Variants in PTTG1IP observed in about 807,000 individuals in gnomAD.
PTTG1IP encodes PTTG1 interacting protein.
PTTG1IP carries 16 observed loss-of-function variants against 24.4 expected under a neutral mutation model. That is an observed-to-expected ratio of 0.66 (90% CI 0.44 to 1.00). The LOEUF (loss-of-function observed/expected upper bound fraction) is 1.00. Among genes scored for constraint, PTTG1IP ranks in the 50% least tolerant of loss-of-function variants. The pLI is 0.00. For missense variants in PTTG1IP, 241 were observed against 245.8 expected (o/e 0.98, Z 0.13); for synonymous variants, 89 against 96.8 (o/e 0.92, Z 0.47).
At chr21:44,863,062 AC>A (rs1432006078) in intron 2 of PTTG1IP, among the ~76,000 whole-genome samples, 1 of 135,886 alleles carries the variant, frequency 7.4e-6, no homozygotes, top group Non-Finnish European at 1.7e-5. Context: ...CAGCACAGAC[AC>A]ACAGCCCGCC....
In PTTG1IP at chr21:44,851,105, C is replaced by T. The variant is rs184677887; in HGVS notation, c.*476G>A. ...TCAACAGGTGTGAAGACTCAAGATG[C>T]GCACACAGACGCTGTCCGTGGTTTT... On this transcript the variant is annotated 3_prime_UTR_variant, in exon 6 of 6. Coordinates refer to ENST00000330938, the MANE Select transcript of PTTG1IP (RefSeq NM_004339.4). 1.7e-4 allele frequency: 76 copies of T among 435,186 alleles called. No individual in the cohort carries two copies. Among genetic ancestry groups the T allele is most frequent in the Middle Eastern group, 1.2e-3 (2 of 1,628 alleles). The allele number at this position is 435,186 out of a possible 1,614,324, so 27.0% of individuals were successfully genotyped here.
chr21:44,855,000 A>T (rs566505125), intron 5 of PTTG1IP, among the ~76,000 whole-genome samples: 3 of 152,306 alleles, frequency 2.0e-5, no homozygotes, highest in African/African-American at 4.8e-5. Flanking sequence ...CTTCATGAAG[A>T]CGACTGGCTG....
intron 2 of PTTG1IP, chr21:44,861,658 C>G: frequency 1.4e-6 from 1 of 710,708 alleles, no homozygotes; most frequent in Non-Finnish European, 2.6e-6. Flanking sequence ...TGGCTCCCCA[C>G]TGACTGGATG....
intron 1 of PTTG1IP, among the ~76,000 whole-genome samples, chr21:44,868,020 G>C (rs1169960401): frequency 6.6e-6 from 1 of 152,164 alleles, no homozygotes; most frequent in Non-Finnish European, 1.5e-5. Context: ...ACTTTTCTCA[G>C]AGTCTCTAGC....
At chr21:44,864,223 C>T (rs192773037) in intron 2 of PTTG1IP, among the ~76,000 whole-genome samples, 97 of 152,332 alleles carry the variant, frequency 6.4e-4, no homozygotes, top group Admixed American at 2.4e-3. Flanking sequence ...TTCCCGCTGC[C>T]GTGGGCCTTC....
rs2083407876 is a variant in PTTG1IP, at chr21:44,851,226, A to G, written c.*355T>C. 1 of 1,085,994 alleles carries G rather than the reference A, an allele frequency of 9.2e-7. No individual in the cohort carries two copies. The highest frequency in any genetic ancestry group is 1.3e-6 in the Non-Finnish European group (1 of 784,684). The allele number at this position is 1,085,994 out of a possible 1,614,324, so 67.3% of individuals were successfully genotyped here. On this transcript the variant is annotated 3_prime_UTR_variant, in exon 6 of 6. Transcript: ENST00000330938. ...GAAGCTTGTTAGTGGACAGAGAGAAACGCAGGGTTCTGCCCTGGGAGAATG... is the reference window on the plus strand; with the variant it reads ...GAAGCTTGTTAGTGGACAGAGAGAAGCGCAGGGTTCTGCCCTGGGAGAATG...
At chr21:44,859,318 A>G (rs1356279650) in intron 3 of PTTG1IP, among the ~76,000 whole-genome samples, 1 of 152,256 alleles carries the variant, frequency 6.6e-6, no homozygotes, top group Non-Finnish European at 1.5e-5. Flanking sequence ...AAAGTCCTGG[A>G]AGTCCTACCT....
chr21:44,866,634 TAACA>T (rs972615881), intron 1 of PTTG1IP, among the ~76,000 whole-genome samples: 4 of 72,200 alleles, frequency 5.5e-5, no homozygotes, highest in African/African-American at 2.5e-4. Context: ...CCCAATCCCG[TAACA>T]CACACACACA....
chr21:44,856,403 C>T, intron 3 of PTTG1IP, 39 bp from the exon 4 acceptor site: 1 of 1,577,130 alleles, frequency 6.3e-7, no homozygotes, highest in South Asian at 1.2e-5. Flanking sequence ...CCGCCCCAGA[C>T]ACAGAACCCA....
At position 44,873,536 on chromosome 21, in the gene PTTG1IP, G is replaced by A. The variant is rs957394446; in HGVS notation, c.81C>T (p.Ile27=). ...LGGAALLLLL[I]PVAAAQEPPG... is the part of the protein sequence containing the mutation. ...GAGGCTCCTGCGCGGCGGCCACCGG[G>A]ATGAGCAGCAGGAGCAGCGCGGCGC... Residue 27 remains isoleucine, a synonymous_variant, in exon 1 of 6, where the codon ATC becomes ATT. Coordinates refer to ENST00000330938, the MANE Select transcript of PTTG1IP (RefSeq NM_004339.4). The A allele has an allele frequency of 2.0e-6, 3 of 1,464,412 alleles. No individual in the cohort carries two copies. Among genetic ancestry groups the A allele is most frequent in the South Asian group, 1.3e-5 (1 of 77,288 alleles). The allele number at this position is 1,464,412 out of a possible 1,614,324, so 90.7% of individuals were successfully genotyped here. A position where few individuals can be genotyped will look rare whatever the true frequency, so the allele number is the denominator to read the frequency against.
intron 1 of PTTG1IP, among the ~76,000 whole-genome samples, chr21:44,869,432 G>A (rs2083567104): frequency 1.3e-5 from 2 of 152,248 alleles, no homozygotes; most frequent in South Asian, 4.2e-4. Context: ...AATAACAACA[G>A]GCAACACAAT....
chr21:44,872,305 A>G (rs1348809054), intron 1 of PTTG1IP, among the ~76,000 whole-genome samples: 1 of 152,254 alleles, frequency 6.6e-6, no homozygotes. Flanking sequence ...ACTTGGAGGC[A>G]GGTAAGAAGA....
At chr21:44,873,459 C>T in intron 1 of PTTG1IP, 43 bp downstream of exon 1, 1 of 1,325,858 alleles carries the variant, frequency 7.5e-7, no homozygotes, top group East Asian at 3.3e-5. Flanking sequence ...ACCCACCAGC[C>T]GCCCCGCCCC....
chr21:44,873,584 C>T lies in PTTG1IP; in HGVS notation c.33G>A (p.Pro11=), dbSNP rs1397395397. 2.7e-6 allele frequency: 4 copies of T among 1,461,596 alleles called. No homozygotes were observed. Among genetic ancestry groups the T allele is most frequent in the Non-Finnish European group, 3.6e-6 (4 of 1,111,124 alleles). The allele number at this position is 1,461,596 out of a possible 1,614,324, so 90.5% of individuals were successfully genotyped here. ...CGCCACCGAGGCGCAACCTCCAGTACGGCGTCGGCCCGCGGGCCACTCCGG... is the reference window on the plus strand; with the variant it reads ...CGCCACCGAGGCGCAACCTCCAGTATGGCGTCGGCCCGCGGGCCACTCCGG... The part of the protein sequence containing the change: MAPGVARGPT[P]YWRLRLGGAA... The change falls in exon 1 of 6, where the codon CCG becomes CCA. Residue 11 remains proline, a synonymous_variant. Coordinates refer to ENST00000330938, the MANE Select transcript of PTTG1IP (RefSeq NM_004339.4).
At chr21:44,853,964 G>T (rs2083429849) in intron 5 of PTTG1IP, among the ~76,000 whole-genome samples, 1 of 152,222 alleles carries the variant, frequency 6.6e-6, no homozygotes, top group Admixed American at 6.5e-5. Flanking sequence ...TCACATGGAG[G>T]TGACTTTCCA....
chr21:44,859,627 T>A (rs1181949537), intron 3 of PTTG1IP, among the ~76,000 whole-genome samples: 1 of 152,212 alleles, frequency 6.6e-6, no homozygotes, highest in Non-Finnish European at 1.5e-5. Flanking sequence ...AGGAGCTGTG[T>A]CTTCAGAGTG....
At chr21:44,857,379 T>C (rs2083457368) in intron 3 of PTTG1IP, among the ~76,000 whole-genome samples, 1 of 152,116 alleles carries the variant, frequency 6.6e-6, no homozygotes, top group Non-Finnish European at 1.5e-5. Context: ...CCCAGCGACA[T>C]GGGAGGCTGA....
chr21:44,851,546 C>A lies in PTTG1IP; in HGVS notation c.*35G>T, dbSNP rs753733057. 1.4e-4 allele frequency: 227 copies of A among 1,613,312 alleles called. No homozygotes were observed. The highest frequency in any genetic ancestry group is 1.8e-4 in the Non-Finnish European group (218 of 1,179,350). On this transcript the variant is annotated 3_prime_UTR_variant, in exon 6 of 6. Transcript: ENST00000330938. ...GGGCTGGGCTGCGGAGCGTGCACCT[C>A]ACAGGAAGCGTCGGGACTGATGTGC...
At position 44,852,645 on chromosome 21, in the gene PTTG1IP, G is replaced by A. The variant is rs528697272; in HGVS notation, c.497-1018C>T. Among the ~76,000 whole-genome samples, 17 of 152,318 alleles carry A rather than the reference G, an allele frequency of 1.1e-4. 1 individual carries two copies. Among genetic ancestry groups the A allele is most frequent in the African/African-American group, 3.8e-4 (16 of 41,570 alleles). On this transcript the variant is annotated intron_variant, in intron 5 of 5. Transcript: ENST00000330938. Reference sequence around the variant, plus strand: ...ATGTTTCTTTCTTGCCTGTCAAGGAGGGCCACAGGCATCAGGCTTTGGGAG... The same window carrying A: ...ATGTTTCTTTCTTGCCTGTCAAGGAAGGCCACAGGCATCAGGCTTTGGGAG...
Sources: gnomAD v4.1 joint callset for allele counts (sites outside exome capture counted in the v4.1 genomes callset) on GRCh38, gnomAD v4.1.1 for gene constraint, MANE v1.5 for transcripts, NCBI Gene and HGNC (gene_info 2026-07-23, HGNC 2026-07-21) for gene names.